The following CACNA1C variants were observed in gnomAD, a reference collection of about 807,000 sequenced individuals.
CACNA1C encodes voltage-dependent L-type calcium channel subunit alpha-1C.
CACNA1C carries 30 observed loss-of-function variants against 229.0 expected under a neutral mutation model. The ratio of observed to expected loss-of-function variants is 0.13; its 90% confidence interval spans 0.10 to 0.18. The LOEUF (loss-of-function observed/expected upper bound fraction) is 0.18, where lower values mean the gene tolerates loss of function less well. Among genes scored for constraint, CACNA1C ranks in the 10% least tolerant of loss-of-function variants. The pLI, the probability that CACNA1C is intolerant of heterozygous loss-of-function variation, is 1.00. For synonymous variants in CACNA1C, 1,114 were observed against 1,132.5 expected, an observed-to-expected ratio of 0.98 and a Z score of 0.33; for missense variants, 1,658 against 2,845.0, an observed-to-expected ratio of 0.58 and a Z score of 9.49.
intron 4 of CACNA1C, among the ~76,000 whole-genome samples, chr12:2,452,650 T>G (rs1319613564): frequency 6.6e-6 from 1 of 152,142 alleles, no homozygotes; most frequent in African/African-American, 2.4e-5. Flanking sequence ...CACCAGCCAC[T>G]CCTACACCCA....
rs935004220 is a variant in CACNA1C at position 2,348,497 on chromosome 12, T to A, written c.478-100479T>A. On this transcript the variant is annotated intron_variant, in intron 3 of 46. Transcript: ENST00000399655. This position sits in a 1 kb window ranked among gnomAD's most constrained non-coding sequence, Gnocchi z 4.7. ...TCTCGCTGAGCCACAGCACCTGGTT[T>A]AGGGCTACAAATAGTCTCCCCGAGG... is the stretch of plus-strand genomic sequence containing the variant. 2.0e-5 allele frequency among the ~76,000 whole-genome samples: 3 copies of A among 152,250 alleles called. No individual in the cohort carries two copies. The highest frequency in any genetic ancestry group is 7.2e-5 in the African/African-American group (3 of 41,460).
At chr12:2,136,269 G>A (rs1187186059) in intron 3 of CACNA1C, among the ~76,000 whole-genome samples, 2 of 151,354 alleles carry the variant, frequency 1.3e-5, no homozygotes, top group Non-Finnish European at 1.5e-5. Context: ...CGTCGGTCAC[G>A]CTGAGAGCTG....
chr12:1,986,955 T>C (rs763687037), intron 1 of CACNA1C, among the ~76,000 whole-genome samples: 5 of 152,178 alleles, frequency 3.3e-5, no homozygotes, highest in Non-Finnish European at 2.9e-5. Context: ...TGGGGGGTTA[T>C]GAAACATCCC....
chr12:2,091,013 T>C (rs2070616902), intron 1 of CACNA1C, among the ~76,000 whole-genome samples: 1 of 152,210 alleles, frequency 6.6e-6, no homozygotes, highest in African/African-American at 2.4e-5. Flanking sequence ...GTGTATATCA[T>C]CTTGGAGAAA....
At chr12:2,286,163 A>G (rs1169194113) in intron 3 of CACNA1C, among the ~76,000 whole-genome samples, 2 of 152,212 alleles carry the variant, frequency 1.3e-5, no homozygotes, top group Non-Finnish European at 1.5e-5. Context: ...TTCTGTTTTC[A>G]GTTGTCCTTT....
chr12:2,247,649 A>G (rs2073928700), intron 3 of CACNA1C, among the ~76,000 whole-genome samples: 1 of 152,328 alleles, frequency 6.6e-6, no homozygotes, highest in African/African-American at 2.4e-5. Context: ...CCTATGGACG[A>G]TGGCAAGATT....
At chr12:2,400,800 T>C (rs2098666623) in intron 3 of CACNA1C, among the ~76,000 whole-genome samples, 1 of 152,174 alleles carries the variant, frequency 6.6e-6, no homozygotes. Flanking sequence ...GGCAGAGATG[T>C]ACACCTCTAA....
intron 3 of CACNA1C, among the ~76,000 whole-genome samples, chr12:2,267,415 C>G (rs1396108611): frequency 6.6e-6 from 1 of 152,160 alleles, no homozygotes; most frequent in Non-Finnish European, 1.5e-5. Context: ...CCTTCTTGTA[C>G]AGTACTTGTC....
chr12:2,605,647 C>A lies in CACNA1C; in HGVS notation c.3049-32C>A. 6.5e-7 allele frequency: 1 copy of A among 1,530,350 alleles called. No homozygotes were observed. Among genetic ancestry groups the A allele is most frequent in the East Asian group, 2.3e-5 (1 of 44,382 alleles). 94.8% of individuals were successfully genotyped at this position (1,530,350 alleles called of 1,614,324 possible). ...AAAGGCTCCTGGCATCTCCTGAAGC[C>A]ACGTCCCTCTCCCCGTCCCTTCCCA... On this transcript the variant is annotated intron_variant, in intron 23 of 46. Coordinates refer to ENST00000399655, the MANE Select transcript of CACNA1C (RefSeq NM_000719.7). This position sits in a 1 kb window ranked among gnomAD's most constrained non-coding sequence, Gnocchi z 6.2.
At chr12:2,043,642 CTTT>C (rs67625680) in intron 1 of CACNA1C, among the ~76,000 whole-genome samples, 58 of 91,358 alleles carry the variant, frequency 6.3e-4, no homozygotes, top group East Asian at 5.8e-3. Context: ...ACAGAATATT[CTTT>C]TTTTTTTTTT....
In CACNA1C at chr12:2,632,277, C is replaced by T. The variant is rs1328276568; in HGVS notation, c.3829-2020C>T. ...CCCCTCCACCCATGGGGAATATGACCGCCTGTAGCTGGGGGTGTATGGGGA... is the reference window on the plus strand; with the variant it reads ...CCCCTCCACCCATGGGGAATATGACTGCCTGTAGCTGGGGGTGTATGGGGA... On this transcript the variant is annotated intron_variant, in intron 29 of 46. Transcript: ENST00000399655. The surrounding 1 kb of genome is among the most constrained non-coding windows in gnomAD (Gnocchi z 4.1). Among the ~76,000 whole-genome samples the T allele has an allele frequency of 5.8e-5, 6 of 103,970 alleles. 1 individual carries two copies. Among genetic ancestry groups the T allele is most frequent in the South Asian group, 8.3e-4 (2 of 2,424 alleles). The allele number at this position is 103,970 out of a possible 152,430, so 68.2% of individuals were successfully genotyped here. A position where few individuals can be genotyped will look rare whatever the true frequency, so the allele number is the denominator to read the frequency against.
At chr12:2,662,679 C>G (rs1326747417) in intron 34 of CACNA1C, among the ~76,000 whole-genome samples, 6 of 152,182 alleles carry the variant, frequency 3.9e-5, no homozygotes, top group Admixed American at 3.9e-4. Flanking sequence ...ATAGCCAAGA[C>G]AAATGTTGAA....
rs2097842024 is a variant in CACNA1C, at chr12:2,696,259, G to A, written c.*5060G>A. 6.6e-6 allele frequency: 1 copy of A among 152,182 alleles called. No homozygotes were observed. Among genetic ancestry groups the A allele is most frequent in the Non-Finnish European group, 1.5e-5 (1 of 68,042 alleles). 9.4% of individuals were successfully genotyped at this position (152,182 alleles called of 1,614,324 possible). A position where few individuals can be genotyped will look rare whatever the true frequency, so the allele number is the denominator to read the frequency against. On this transcript the variant is annotated 3_prime_UTR_variant, in exon 47 of 47. Coordinates refer to ENST00000399655, the MANE Select transcript of CACNA1C (RefSeq NM_000719.7). Reference sequence around the variant, plus strand: ...TGAGTGGATGAAGTGTAACAAATCTGTTGCACGCTGAGAGGAGTCAGAATT... The same window carrying A: ...TGAGTGGATGAAGTGTAACAAATCTATTGCACGCTGAGAGGAGTCAGAATT...
chr12:2,456,100 C>T (rs955538350), intron 4 of CACNA1C, among the ~76,000 whole-genome samples: 3 of 152,346 alleles, frequency 2.0e-5, no homozygotes, highest in South Asian at 2.1e-4. Context: ...CTCAGCAGAA[C>T]GCTTAATGTC....
At chr12:2,673,465 T>TAATA (rs1229221807) in intron 38 of CACNA1C, among the ~76,000 whole-genome samples, 1 of 100,694 alleles carries the variant, frequency 9.9e-6, no homozygotes, top group Non-Finnish European at 2.2e-5. Context: ...AACTTCCGTC[T>TAATA]AAAAAAAAAA....
At chr12:2,483,709 C>G (rs932514827) in intron 5 of CACNA1C, among the ~76,000 whole-genome samples, 1 of 152,134 alleles carries the variant, frequency 6.6e-6, no homozygotes, top group African/African-American at 2.4e-5. Flanking sequence ...AGGTGAGTGG[C>G]GTGACCCCCA....
At chr12:2,357,956 G>A (rs1196077092) in intron 3 of CACNA1C, among the ~76,000 whole-genome samples, 1 of 128,090 alleles carries the variant, frequency 7.8e-6, no homozygotes, top group Admixed American at 8.5e-5. Flanking sequence ...GGCAACAAGA[G>A]TGAAACTCAG....
intron 3 of CACNA1C, among the ~76,000 whole-genome samples, chr12:2,269,526 A>G (rs1450660069): frequency 6.6e-6 from 1 of 152,100 alleles, no homozygotes; most frequent in Non-Finnish European, 1.5e-5. Flanking sequence ...GAAAAACGAG[A>G]ATGGTGATTA....
In CACNA1C at chr12:2,399,503, C is replaced by T. The variant is rs559267389; in HGVS notation, c.478-49473C>T. On this transcript the variant is annotated intron_variant, in intron 3 of 46. Transcript: ENST00000399655. ...TCTTCCTCTGGAGTTCAGCCATCCT[C>T]AGCCAAATTCCTGTCCAACCATCCC... 2.0e-5 allele frequency among the ~76,000 whole-genome samples: 3 copies of T among 152,328 alleles called. No individual in the cohort carries two copies. The South Asian group carries it at 6.2e-4, about 32-fold the overall frequency.
Sources: gnomAD v4.1 joint callset for allele counts (sites outside exome capture counted in the v4.1 genomes callset) on GRCh38, gnomAD v4.1.1 for gene constraint, Gnocchi (gnomAD v3.1) non-coding constraint, MANE v1.5 for transcripts, NCBI Gene and HGNC (gene_info 2026-07-23, HGNC 2026-07-21) for gene names.